Variants in DCDC1 observed in about 807,000 individuals in gnomAD.
DCDC1 encodes the protein doublecortin domain containing 1, also known as doublecortin domain-containing protein 1.
A neutral mutation model predicts 178.3 loss-of-function variants in DCDC1; 200 were observed. The ratio of observed to expected loss-of-function variants is 1.12; its 90% CI spans 1.00 to 1.26. DCDC1 has a LOEUF of 1.26. DCDC1 is among the 50% of genes most tolerant of loss of function. DCDC1 has a pLI of 0.00. For missense variants in DCDC1, 1,983 were observed against 1,749.2 expected (o/e 1.13, Z -2.38); for synonymous variants, 690 against 604.8 (o/e 1.14, Z -2.07).
intron 1 of DCDC1, among the ~76,000 whole-genome samples, chr11:31,340,696 G>A (rs938637291): frequency 1.3e-5 from 2 of 152,086 alleles, no homozygotes; most frequent in African/African-American, 4.8e-5. Flanking sequence ...GACTTCCCCT[G>A]GGTAAGAAGG....
intron 32 of DCDC1, 139 bp downstream of exon 32, chr11:30,903,343 T>C: frequency 1.3e-6 from 1 of 790,138 alleles, no homozygotes; most frequent in South Asian, 3.9e-5. Context: ...GACAATTTCA[T>C]TGACACTCTT....
intron 5 of DCDC1, 80 bp from the exon 6 acceptor site, chr11:31,305,857 TGA>T: frequency 6.0e-6 from 9 of 1,492,368 alleles, no homozygotes; most frequent in Non-Finnish European, 8.1e-6. Context: ...AAGGTTCTAA[TGA>T]TCAAAATAGA....
At chr11:30,988,619 T>A (rs1242068293) in intron 20 of DCDC1, among the ~76,000 whole-genome samples, 1 of 152,166 alleles carries the variant, frequency 6.6e-6, no homozygotes, top group Non-Finnish European at 1.5e-5. Context: ...AGCAGGGGCA[T>A]CCAATTTTTT....
intron 15 of DCDC1, among the ~76,000 whole-genome samples, chr11:31,097,949 C>T (rs1958257471): frequency 6.6e-6 from 1 of 152,150 alleles, no homozygotes; most frequent in Non-Finnish European, 1.5e-5. Context: ...TCCATAACTA[C>T]TGAATTTACA....
intron 1 of DCDC1, among the ~76,000 whole-genome samples, chr11:31,341,413 A>AGATG (rs1174987152): frequency 1.4e-5 from 2 of 148,070 alleles, no homozygotes; most frequent in African/African-American, 2.5e-5. Context: ...ATAGATAGAT[A>AGATG]GATAGATAGA....
intron 9 of DCDC1, among the ~76,000 whole-genome samples, chr11:31,159,724 T>C (rs1966115766): frequency 6.6e-6 from 1 of 152,178 alleles, no homozygotes; most frequent in Non-Finnish European, 1.5e-5. Context: ...TACAGGCAAC[T>C]TGACAAATGA....
chr11:31,366,285 C>T (rs1951953620), intron 1 of DCDC1, among the ~76,000 whole-genome samples: 1 of 152,022 alleles, frequency 6.6e-6, no homozygotes, highest in Admixed American at 6.6e-5. Context: ...GATAAATTGC[C>T]TTTTAAATAT....
At chr11:31,190,617 C>G (rs1970025248) in intron 9 of DCDC1, among the ~76,000 whole-genome samples, 1 of 152,048 alleles carries the variant, frequency 6.6e-6, no homozygotes, top group South Asian at 2.1e-4. Flanking sequence ...AAATCACTGT[C>G]CAAAAAATTT....
intron 9 of DCDC1, among the ~76,000 whole-genome samples, chr11:31,156,365 C>G (rs543036462): frequency 2.0e-5 from 3 of 152,190 alleles, no homozygotes; most frequent in South Asian, 4.2e-4. Context: ...TATCAAAACA[C>G]GCGGCCAGTC....
chr11:31,257,175 C>T (rs184078350), intron 8 of DCDC1, among the ~76,000 whole-genome samples: 2 of 152,166 alleles, frequency 1.3e-5, no homozygotes, highest in Admixed American at 1.3e-4. Context: ...TAATACTGGG[C>T]CTAGATAGGA....
At chr11:30,984,035 A>T (rs1008270498) in intron 20 of DCDC1, among the ~76,000 whole-genome samples, 1 of 152,182 alleles carries the variant, frequency 6.6e-6, no homozygotes, top group Non-Finnish European at 1.5e-5. Context: ...CTGCTGTGAG[A>T]AAAGTGCTGG....
chr11:31,163,624 C>T lies in DCDC1; in HGVS notation c.1222-25840G>A, dbSNP rs1006890735. The stretch of plus-strand genomic sequence containing the variant: ...AATGTTAAAATAAGCTAAAAGAGAG[C>T]CTGAAATAGTATAAAACCCCTCAGA... On this transcript the variant is annotated intron_variant, in intron 9 of 38. Coordinates refer to ENST00000684477, the MANE Select transcript of DCDC1 (RefSeq NM_001387274.1). 9.2e-5 allele frequency among the ~76,000 whole-genome samples: 14 copies of T among 152,134 alleles called. No individual in the cohort carries two copies. The South Asian group carries it at 2.9e-3, about 32-fold the overall frequency.
At chr11:31,011,453 A>G (rs1952160994) in intron 20 of DCDC1, among the ~76,000 whole-genome samples, 1 of 152,366 alleles carries the variant, frequency 6.6e-6, no homozygotes. Flanking sequence ...TGGGTAAAAG[A>G]TATGGATATG....
chr11:30,941,694 C>T (rs1947652024), intron 21 of DCDC1, among the ~76,000 whole-genome samples: 1 of 151,824 alleles, frequency 6.6e-6, no homozygotes, highest in Non-Finnish European at 1.5e-5. Context: ...ACTTACATTC[C>T]CTGAAAAGTT....
At chr11:31,260,340 C>G (rs1466220333) in intron 8 of DCDC1, among the ~76,000 whole-genome samples, 10 of 152,108 alleles carry the variant, frequency 6.6e-5, no homozygotes, top group Admixed American at 6.5e-4. Flanking sequence ...AATGTCTCCA[C>G]AAAAGTTGAT....
chr11:31,143,729 TC>T (rs1330992879), intron 9 of DCDC1, among the ~76,000 whole-genome samples: 2 of 152,170 alleles, frequency 1.3e-5, no homozygotes, highest in African/African-American at 4.8e-5. Flanking sequence ...CTCACTTAAG[TC>T]CCTCTATAAA....
At chr11:31,033,846 A>T (rs1489537023) in intron 20 of DCDC1, among the ~76,000 whole-genome samples, 1 of 152,206 alleles carries the variant, frequency 6.6e-6, no homozygotes, top group Non-Finnish European at 1.5e-5. Flanking sequence ...TTTAAAAAGT[A>T]AAAATGTCTA....
At chr11:31,226,789 G>A (rs1039023863) in intron 9 of DCDC1, among the ~76,000 whole-genome samples, 13 of 151,368 alleles carry the variant, frequency 8.6e-5, no homozygotes, top group Non-Finnish European at 1.3e-4. Flanking sequence ...CTAAGAGGAC[G>A]CTTGGATTTA....
intron 20 of DCDC1, among the ~76,000 whole-genome samples, chr11:30,957,425 T>G (rs1374070226): frequency 6.6e-6 from 1 of 152,166 alleles, no homozygotes; most frequent in East Asian, 1.9e-4. Context: ...ATCAGGGTTT[T>G]TACATTACCG....
Sources: gnomAD v4.1 joint callset for allele counts (sites outside exome capture counted in the v4.1 genomes callset) on GRCh38, gnomAD v4.1.1 for gene constraint, MANE v1.5 for transcripts, NCBI Gene and HGNC (gene_info 2026-07-23, HGNC 2026-07-21) for gene names.